The following POGLUT3 variants were observed in gnomAD, a reference collection of about 807,000 sequenced individuals.
The protein encoded by POGLUT3 is KDEL (Lys-Asp-Glu-Leu) containing 2.
A neutral mutation model predicts 54.3 loss-of-function variants in POGLUT3; 48 were observed. That is an observed-to-expected ratio of 0.88 (90% CI 0.70 to 1.12). The LOEUF is 1.12. POGLUT3 is among the 50% of genes most tolerant of loss of function. POGLUT3 has a pLI of 0.00. For missense variants in POGLUT3, 629 were observed against 618.7 expected (o/e 1.02, Z -0.18); for synonymous variants, 218 against 237.4 (o/e 0.92, Z 0.75).
At chr11:108,483,823 C>G (rs1470273841) in intron 3 of POGLUT3, among the ~76,000 whole-genome samples, 1 of 152,102 alleles carries the variant, frequency 6.6e-6, no homozygotes, top group Non-Finnish European at 1.5e-5. Flanking sequence ...CACGCACCAC[C>G]ACACCCGGCT....
rs34082898 is a variant in POGLUT3 at position 108,492,078 on chromosome 11, T to TCACA, written c.203-915_203-912dup. On this transcript the variant is annotated intron_variant, in intron 1 of 7. Transcript: ENST00000323468. ...CTAGTTACCAGACTCTTGTACAAGC[T>TCACA]CACACACACACACACACACACAAAC... 3.1e-3 allele frequency among the ~76,000 whole-genome samples: 467 copies of TCACA among 149,852 alleles called. 1 individual carries two copies. The highest frequency in any genetic ancestry group is 8.3e-3 in the South Asian group (39 of 4,702).
intron 1 of POGLUT3, among the ~76,000 whole-genome samples, chr11:108,493,796 T>A: frequency 7.9e-6 from 1 of 126,230 alleles, no homozygotes. Flanking sequence ...AAAGCTAGAC[T>A]CTGTCTCAAA....
intron 3 of POGLUT3, among the ~76,000 whole-genome samples, chr11:108,483,230 A>T (rs1423025637): frequency 1.3e-5 from 2 of 152,246 alleles, no homozygotes; most frequent in Non-Finnish European, 2.9e-5. Flanking sequence ...ATCTTGTCCC[A>T]GCTTGGCTAT....
At chr11:108,475,076 C>G in intron 7 of POGLUT3, 124 bp from the exon 8 acceptor site, 1 of 983,842 alleles carries the variant, frequency 1.0e-6, no homozygotes, top group Non-Finnish European at 1.5e-6. Context: ...AGACTAAAAC[C>G]AAAGGTCTGG....
At position 108,498,205 on chromosome 11, in the gene POGLUT3, C is replaced by T. The variant is rs369166971; in HGVS notation, c.162G>A (p.Ala54=). 4 of 1,521,070 alleles carry T rather than the reference C, an allele frequency of 2.6e-6. No individual in the cohort carries two copies. Among genetic ancestry groups the T allele is most frequent in the Non-Finnish European group, 2.6e-6 (3 of 1,136,262 alleles). 94.2% of individuals were successfully genotyped at this position (1,521,070 alleles called of 1,614,324 possible). Residue 54 remains alanine, a synonymous_variant, in exon 1 of 8, where the codon GCG becomes GCA. Coordinates refer to ENST00000323468, the MANE Select transcript of POGLUT3 (RefSeq NM_153705.5). The part of the protein sequence containing the change: ...VLPVRYFYLQ[A]VNSEGQNLTR... ...TGAGGTTCTGGCCCTCCGAGTTGAC[C>T]GCCTGCAGGTAGAAATAGCGGACCG... is the stretch of plus-strand genomic sequence containing the variant.
chr11:108,493,275 T>C (rs1251332033), intron 1 of POGLUT3, among the ~76,000 whole-genome samples: 1 of 152,202 alleles, frequency 6.6e-6, no homozygotes, highest in Non-Finnish European at 1.5e-5. Context: ...AATATAGCCA[T>C]TGGAAATATA....
Position 108,474,800 on chromosome 11 carries a change from T to C in POGLUT3, c.*27A>G, listed in dbSNP as rs770726032. 2 of 1,613,408 alleles carry C rather than the reference T, an allele frequency of 1.2e-6. No homozygotes were observed. Among genetic ancestry groups the C allele is most frequent in the Non-Finnish European group, 1.7e-6 (2 of 1,179,564 alleles). On this transcript the variant is annotated 3_prime_UTR_variant, in exon 8 of 8. Transcript: ENST00000323468. ...ATCTTTCCTTAAAGTGTAGCCGGGA[T>C]ACACAGGAGTGTGATTCTGGGCTGA...
chr11:108,485,116 T>C (rs2093600372), intron 3 of POGLUT3, among the ~76,000 whole-genome samples: 1 of 152,138 alleles, frequency 6.6e-6, no homozygotes, highest in African/African-American at 2.4e-5. Context: ...TCAGGGTTTT[T>C]GTTTGTTTGT....
Position 108,486,427 on chromosome 11 carries a change from A to G in POGLUT3, c.414T>C (p.His138=). The change falls in exon 3 of 8, where the codon CAT becomes CAC. Residue 138 remains histidine, a synonymous_variant. Coordinates refer to ENST00000323468, the MANE Select transcript of POGLUT3 (RefSeq NM_153705.5). ...GATCTTCCGGACACTCACAGTACTC[A>G]TGGTACACTGGTCCTAGGGAAGGAA... ...SPYILKGPVY[H]EYCECPEDPQ... 1.2e-6 allele frequency: 2 copies of G among 1,613,874 alleles called. No individual in the cohort carries two copies. The highest frequency in any genetic ancestry group is 1.7e-5 in the Admixed American group (1 of 60,010).
chr11:108,477,710 T>A lies in POGLUT3; in HGVS notation c.1295A>T (p.Glu432Val). Residue 432 changes from glutamate (E) to valine (V), a missense_variant and splice_region_variant, in exon 7 of 8, where the codon GAA (glutamate) becomes GTA (valine). Glu to Val is a moderately radical substitution (Grantham distance 121, BLOSUM62 -2). Transcript: ENST00000323468. ...AATCTTCTTGGCTTCTTCATCATTT[T>A]CCTGAAAGGTTAAAAAAAATAAAAA... Reference protein sequence around the residue: ...DLLEKVKWAKENDEEAKKIAK... With the variant: ...DLLEKVKWAKVNDEEAKKIAK... 1.9e-6 allele frequency: 3 copies of A among 1,596,630 alleles called. No individual in the cohort carries two copies. The highest frequency in any genetic ancestry group is 1.7e-6 in the Non-Finnish European group (2 of 1,164,756).
chr11:108,494,162 T>C (rs550458358), intron 1 of POGLUT3, among the ~76,000 whole-genome samples: 61 of 152,314 alleles, frequency 4.0e-4, no homozygotes, highest in African/African-American at 1.4e-3. Flanking sequence ...CAAGGTCACA[T>C]ACATAATGAG....
chr11:108,481,094 GA>G, intron 5 of POGLUT3, 85 bp downstream of exon 5: 1 of 984,864 alleles, frequency 1.0e-6, no homozygotes, highest in Non-Finnish European at 1.5e-6. Context: ...CAAGCCAGGT[GA>G]AATTTGCTGA....
In POGLUT3 at chr11:108,491,085, C is replaced by T; in HGVS notation, c.285G>A (p.Arg95=). ...VRIHVPKPLD[R]NDGTFLMRYR... ...ATCTCATCAAAAATGTTCCATCATT[C>T]CTGTCCAAAGGTTTAGGGACATGTA... Residue 95 remains arginine, a synonymous_variant, in exon 2 of 8, where the codon AGG becomes AGA. Transcript: ENST00000323468. The T allele has an allele frequency of 1.2e-6, 2 of 1,614,068 alleles. No homozygotes were observed. The highest frequency in any genetic ancestry group is 1.7e-6 in the Non-Finnish European group (2 of 1,179,952).
rs1565749544 is a variant in POGLUT3, at chr11:108,487,230, C to CT, written c.401-791_401-790insA. On this transcript the variant is annotated intron_variant, in intron 2 of 7. Coordinates refer to ENST00000323468, the MANE Select transcript of POGLUT3 (RefSeq NM_153705.5). The stretch of plus-strand genomic sequence containing the variant: ...CCCCTCCCAACCACCCCCACCCCTT[C>CT]CAGTTGTCCCTCCTTTCCAAACCAA... 2.3e-5 allele frequency among the ~76,000 whole-genome samples: 3 copies of CT among 132,916 alleles called. No homozygotes were observed. The South Asian group carries it at 8.4e-4, about 37-fold the overall frequency. The allele number at this position is 132,916 out of a possible 152,430, so 87.2% of individuals were successfully genotyped here.
In POGLUT3 at chr11:108,474,823, T is replaced by C. The variant is rs1181750363; in HGVS notation, c.*4A>G. 1 of 1,614,094 alleles carries C rather than the reference T, an allele frequency of 6.2e-7. No homozygotes were observed. The highest frequency in any genetic ancestry group is 8.5e-7 in the Non-Finnish European group (1 of 1,179,980). On this transcript the variant is annotated 3_prime_UTR_variant, in exon 8 of 8. Transcript: ENST00000323468. ...GATACACAGGAGTGTGATTCTGGGCTGACTCAAAGTTCTTCTCTTGAAGGC... is the reference window on the plus strand; with the variant it reads ...GATACACAGGAGTGTGATTCTGGGCCGACTCAAAGTTCTTCTCTTGAAGGC...
At chr11:108,485,684 G>GT (rs1214097387) in intron 3 of POGLUT3, among the ~76,000 whole-genome samples, 1 of 146,000 alleles carries the variant, frequency 6.8e-6, no homozygotes. Flanking sequence ...TTGAGATGGA[G>GT]TCTCACTCTG....
intron 1 of POGLUT3, among the ~76,000 whole-genome samples, chr11:108,496,461 T>C (rs1348368315): frequency 6.6e-6 from 1 of 152,232 alleles, no homozygotes; most frequent in Non-Finnish European, 1.5e-5. Flanking sequence ...TGTCCATGGC[T>C]ACAAAGCACA....
chr11:108,481,317 C>T lies in POGLUT3; in HGVS notation c.961G>A (p.Glu321Lys). 6.2e-7 allele frequency: 1 copy of T among 1,612,296 alleles called. No homozygotes were observed. ...AFFRGRDSREERLQLVQLSKE... is the reference protein window; with the variant it reads ...AFFRGRDSREKRLQLVQLSKE... ...GACAGCTGTACCAACTGGAGCCTCTCCTCTCGGCTGTCTCTACCTCTGAAG... is the reference window on the plus strand; with the variant it reads ...GACAGCTGTACCAACTGGAGCCTCTTCTCTCGGCTGTCTCTACCTCTGAAG... The change falls in exon 5 of 8, where the codon GAG (glutamate) becomes AAG (lysine). Residue 321 changes from glutamate (E) to lysine (K), a missense_variant. Coordinates refer to ENST00000323468, the MANE Select transcript of POGLUT3 (RefSeq NM_153705.5).
chr11:108,487,169 C>T (rs530313578), intron 2 of POGLUT3, among the ~76,000 whole-genome samples: 1 of 152,278 alleles, frequency 6.6e-6, no homozygotes, highest in Non-Finnish European at 1.5e-5. Flanking sequence ...ATCAGAAAAC[C>T]TCTGAATCTA....
Sources: allele counts gnomAD v4.1 joint callset (sites outside exome capture counted in the v4.1 genomes callset), GRCh38; gene constraint gnomAD v4.1.1; transcripts MANE v1.5; gene names NCBI Gene and HGNC (gene_info 2026-07-23, HGNC 2026-07-21).